PCDH11X: variants seen among roughly 807,000 people sequenced by gnomAD.
PCDH11X encodes protocadherin 11 X-linked, also known as protocadherin-11 X-linked.
PCDH11X carries 18 observed loss-of-function variants against 53.3 expected under a neutral mutation model. That is an observed-to-expected ratio of 0.34 (90% CI 0.23 to 0.50). PCDH11X has a LOEUF of 0.50. PCDH11X is among the 20% of genes least tolerant of loss of function. The pLI is 0.98. For missense variants in PCDH11X, 570 were observed against 1,032.4 expected (o/e 0.55, Z 6.14); for synonymous variants, 279 against 393.3 (o/e 0.71, Z 3.44).
intron 4 of PCDH11X, among the ~76,000 whole-genome samples, chrX:91,818,797 A>T (rs185256613): frequency 7.2e-5 from 8 of 111,471 alleles, no homozygotes; most frequent in African/African-American, 2.6e-4. Flanking sequence ...TTGCATTTCA[A>T]CTATTGTTTA....
At chrX:92,047,737 G>A (rs1489084617) in intron 6 of PCDH11X, among the ~76,000 whole-genome samples, 1 of 107,608 alleles carries the variant, frequency 9.3e-6, no homozygotes, top group East Asian at 2.9e-4. Context: ...CATTGTGGAA[G>A]GAATACAGAG....
At chrX:92,261,551 T>G (rs942683599) in intron 7 of PCDH11X, among the ~76,000 whole-genome samples, 1 of 112,007 alleles carries the variant, frequency 8.9e-6, no homozygotes, top group African/African-American at 3.2e-5. Flanking sequence ...ACTAAAAATT[T>G]TAATGCTTTT....
At chrX:92,087,083 C>T (rs1400209231) in intron 6 of PCDH11X, among the ~76,000 whole-genome samples, 2 of 109,096 alleles carry the variant, frequency 1.8e-5, no homozygotes, top group African/African-American at 6.7e-5. Flanking sequence ...GTCTGGGACC[C>T]TAGCTCTTCT....
At chrX:92,132,645 A>ATG (rs1394956574) in intron 6 of PCDH11X, among the ~76,000 whole-genome samples, 1 of 58,176 alleles carries the variant, frequency 1.7e-5, no homozygotes, top group Non-Finnish European at 2.8e-5. Context: ...GTATATATAT[A>ATG]TATATATATA....
intron 6 of PCDH11X, among the ~76,000 whole-genome samples, chrX:91,952,837 C>A (rs1158038942): frequency 2.7e-5 from 3 of 111,779 alleles, no homozygotes; most frequent in African/African-American, 6.5e-5. Flanking sequence ...TACATATAAA[C>A]AATGGAGTAC....
intron 6 of PCDH11X, among the ~76,000 whole-genome samples, chrX:92,139,981 C>A (rs1190497650): frequency 2.0e-5 from 2 of 100,572 alleles, no homozygotes; most frequent in Non-Finnish European, 4.1e-5. Context: ...TCTATTCTTC[C>A]TTTTTTTTTT....
intron 6 of PCDH11X, among the ~76,000 whole-genome samples, chrX:91,936,984 C>A (rs1381906024): frequency 9.2e-6 from 1 of 109,116 alleles, no homozygotes; most frequent in Non-Finnish European, 1.9e-5. Flanking sequence ...AAAGGAATCC[C>A]TTTTATGAAA....
At chrX:91,874,512 A>AT (rs891233850) in intron 5 of PCDH11X, among the ~76,000 whole-genome samples, 50 of 110,304 alleles carry the variant, frequency 4.5e-4, no homozygotes, top group Non-Finnish European at 7.4e-4. Flanking sequence ...CTCTTGTGAA[A>AT]TTTTTTTTTA....
chrX:91,856,209 G>A (rs1219296999), intron 5 of PCDH11X, among the ~76,000 whole-genome samples: 1 of 90,850 alleles, frequency 1.1e-5, no homozygotes, highest in Non-Finnish European at 2.2e-5. Context: ...TTGTCATGAA[G>A]GGATGTTGAA....
Position 92,128,980 on chromosome X carries a change from AAAAT to A in PCDH11X, c.3034-72384_3034-72381del, listed in dbSNP as rs886933549. Reference sequence around the variant, plus strand: ...ATGGATGTTTGCCATATATATCAAGAAAATAAATAAATAACAATTAAGAATTCTT... The same window carrying A: ...ATGGATGTTTGCCATATATATCAAGAAAATAAATAACAATTAAGAATTCTT... On this transcript the variant is annotated intron_variant, in intron 6 of 10. Transcript: ENST00000682573. Among the ~76,000 whole-genome samples the A allele has an allele frequency of 6.5e-5, 7 of 107,499 alleles. 1 individual carries two copies. The highest frequency in any genetic ancestry group is 2.6e-4 in the African/African-American group (7 of 26,939). The allele number at this position is 107,499 out of a possible 115,157, so 93.3% of individuals were successfully genotyped here.
intron 10 of PCDH11X, among the ~76,000 whole-genome samples, chrX:92,472,551 G>A (rs2073290145): frequency 9.2e-6 from 1 of 108,238 alleles, no homozygotes; most frequent in Admixed American, 9.9e-5. Context: ...CAGGTAGCAT[G>A]GTACCTCTGC....
At chrX:92,531,475 T>C (rs1365857436) in intron 10 of PCDH11X, among the ~76,000 whole-genome samples, 5 of 111,459 alleles carry the variant, frequency 4.5e-5, no homozygotes, top group East Asian at 2.8e-4. Context: ...TACATATTAT[T>C]AGCTTAAGCC....
chrX:92,468,148 G>C lies in PCDH11X; in HGVS notation c.3344-151G>C, dbSNP rs35353441. The C allele has an allele frequency of 3.3e-6, 3 of 901,015 alleles. No homozygotes were observed. In the Admixed American group the frequency reaches 1.2e-4, roughly 37 times the overall value. 74.3% of individuals were successfully genotyped at this position (901,015 alleles called of 1,213,427 possible). On this transcript the variant is annotated intron_variant, in intron 9 of 10. Coordinates refer to ENST00000682573, the MANE Select transcript of PCDH11X (RefSeq NM_032968.5). ...CAAATGCGAAGGAGCAGCAGTCCTA[G>C]TGTGTCTCAATTATCACATTCTTTG... is the stretch of plus-strand genomic sequence containing the variant.
chrX:92,604,593 C>A (rs1260151274), intron 10 of PCDH11X, among the ~76,000 whole-genome samples: 1 of 111,218 alleles, frequency 9.0e-6, no homozygotes, highest in Non-Finnish European at 1.9e-5. Flanking sequence ...AGAAAAATGG[C>A]GGATATCAGT....
intron 9 of PCDH11X, among the ~76,000 whole-genome samples, chrX:92,390,542 G>A (rs1221308537): frequency 9.1e-6 from 1 of 109,452 alleles, no homozygotes; most frequent in Non-Finnish European, 1.9e-5. Flanking sequence ...CCAATAATGG[G>A]TTTTATGATA....
Position 92,247,269 on chromosome X carries a change from C to T in PCDH11X, c.3115-15845C>T, listed in dbSNP as rs760276896. Among the ~76,000 whole-genome samples, 17 of 111,693 alleles carry T rather than the reference C, an allele frequency of 1.5e-4. No homozygotes were observed. The South Asian group carries it at 6.4e-3, about 42-fold the overall frequency. On this transcript the variant is annotated intron_variant, in intron 7 of 10. Coordinates refer to ENST00000682573, the MANE Select transcript of PCDH11X (RefSeq NM_032968.5). ...GTATTTGGCTATTTAAAGCCTGATA[C>T]TTCTTCCATGTGTCATGCTTACTTA...
intron 6 of PCDH11X, among the ~76,000 whole-genome samples, chrX:91,963,081 G>C (rs982959930): frequency 9.0e-6 from 1 of 111,726 alleles, no homozygotes; most frequent in Non-Finnish European, 1.9e-5. Flanking sequence ...CCATTGTCAT[G>C]GCAATTAACA....
chrX:92,239,606 C>T (rs752150690), intron 7 of PCDH11X, among the ~76,000 whole-genome samples: 1 of 111,850 alleles, frequency 8.9e-6, no homozygotes, highest in Non-Finnish European at 1.9e-5. Context: ...ACATATTACT[C>T]TCTCGCCAGA....
intron 10 of PCDH11X, among the ~76,000 whole-genome samples, chrX:92,587,012 T>C (rs1215759386): frequency 1.0e-5 from 1 of 96,720 alleles, no homozygotes; most frequent in African/African-American, 3.8e-5. Context: ...GAAATTAGCA[T>C]GTCGGTTACA....
Sources: gnomAD v4.1 joint callset for allele counts (sites outside exome capture counted in the v4.1 genomes callset) on GRCh38, gnomAD v4.1.1 for gene constraint, MANE v1.5 for transcripts, NCBI Gene and HGNC (gene_info 2026-07-23, HGNC 2026-07-21) for gene names.